ORC5: variants seen among roughly 807,000 people sequenced by gnomAD.
ORC5 encodes origin recognition complex subunit 5.
ORC5 carries 39 observed loss-of-function variants against 58.8 expected under a neutral mutation model. The ratio of observed to expected loss-of-function variants is 0.66; its 90% CI spans 0.51 to 0.87. The LOEUF is 0.87. Among genes scored for constraint, ORC5 ranks in the 40% least tolerant of loss-of-function variants. The probability of loss-of-function intolerance (pLI) is 0.00; values close to 1 mark genes in which losing one functional copy is unlikely to be tolerated. For synonymous variants in ORC5, 218 were observed against 177.6 expected, an observed-to-expected ratio of 1.23 and a Z score of -1.81; for missense variants, 493 against 506.3, an observed-to-expected ratio of 0.97 and a Z score of 0.25.
intron 10 of ORC5, chr7:104,165,663 C>T (rs1799095288): frequency 5.5e-6 from 1 of 181,474 alleles, no homozygotes; most frequent in African/African-American, 2.4e-5. Context: ...TGACGGAGGG[C>T]ATTTTAGTTA....
intron 1 of ORC5, among the ~76,000 whole-genome samples, chr7:104,205,420 A>G (rs1800054948): frequency 6.6e-6 from 1 of 152,144 alleles, no homozygotes; most frequent in Non-Finnish European, 1.5e-5. Flanking sequence ...TTAAATAATT[A>G]CAAGAAAATG....
At position 104,165,276 on chromosome 7, in the gene ORC5, C is replaced by T; in HGVS notation, c.997G>A (p.Gly333Arg). 6.5e-7 allele frequency: 1 copy of T among 1,528,064 alleles called. No individual in the cohort carries two copies. The highest frequency in any genetic ancestry group is 9.0e-7 in the Non-Finnish European group (1 of 1,116,696). The allele number at this position is 1,528,064 out of a possible 1,614,324, so 94.7% of individuals were successfully genotyped here. Residue 333 changes from glycine to arginine, a missense_variant, in exon 11 of 14, where the codon GGA becomes AGA. Gly to Arg is a moderately radical substitution (Grantham distance 125). Around this residue, in one of 3 missense-constraint regions of ORC5, gnomAD observed 412 missense variants for 403.7 expected, o/e 1.02. Transcript: ENST00000297431. ...TDKRFFLKHHGKIKKTNFLKK... is the reference protein window; with the variant it reads ...TDKRFFLKHHRKIKKTNFLKK... The stretch of plus-strand genomic sequence containing the variant: ...AGAAAGTTGGTTTTCTTGATTTTTC[C>T]ATGATGCTGCAATTAAGGAAAACAA...
chr7:104,134,097 C>T (rs118144205), intron 13 of ORC5, among the ~76,000 whole-genome samples: 4,970 of 152,094 alleles, frequency 0.033, 145 homozygotes, highest in South Asian at 0.11. Flanking sequence ...TGAACTCAGG[C>T]GTTAGAATGT....
intron 1 of ORC5, among the ~76,000 whole-genome samples, chr7:104,205,368 G>A (rs1217695727): frequency 6.6e-6 from 1 of 152,066 alleles, no homozygotes; most frequent in South Asian, 2.1e-4. Context: ...GATTACAGGT[G>A]TGAGCCACTG....
At position 104,145,872 on chromosome 7, in the gene ORC5, C is replaced by T. The variant is rs1798745671; in HGVS notation, c.1150-8979G>A. ...AGCGGCAAAAGGCTACCCAGGTAGG[C>T]TCATTCCTCCCCTGGATTAAAGAAG... On this transcript the variant is annotated intron_variant, in intron 12 of 13. Coordinates refer to ENST00000297431, the MANE Select transcript of ORC5 (RefSeq NM_002553.4). 3.9e-5 allele frequency among the ~76,000 whole-genome samples: 6 copies of T among 152,142 alleles called. 1 individual carries two copies. The highest frequency in any genetic ancestry group is 6.6e-5 in the Admixed American group (1 of 15,262).
Position 104,207,985 on chromosome 7 carries a change from G to C in ORC5, c.-81C>G. 4 of 1,364,410 alleles carry C rather than the reference G, an allele frequency of 2.9e-6. No homozygotes were observed. The East Asian group carries it at 7.0e-5, about 24-fold the overall frequency. The allele number at this position is 1,364,410 out of a possible 1,614,324, so 84.5% of individuals were successfully genotyped here. A position where few individuals can be genotyped will look rare whatever the true frequency, so the allele number is the denominator to read the frequency against. ...AGACGGAGCCTCTCCCGAGTCTGGC[G>C]GCCCACGCTCCCGCCGGAAACCGGA... On this transcript the variant is annotated 5_prime_UTR_variant, in exon 1 of 14. Coordinates refer to ENST00000297431, the MANE Select transcript of ORC5 (RefSeq NM_002553.4).
intron 6 of ORC5, among the ~76,000 whole-genome samples, chr7:104,186,722 A>G (rs1799551352): frequency 6.6e-6 from 1 of 152,192 alleles, no homozygotes; most frequent in African/African-American, 2.4e-5. Context: ...TCTGAAGAAA[A>G]AAAAGAAAAT....
At chr7:104,168,809 T>C (rs576598550) in intron 8 of ORC5, among the ~76,000 whole-genome samples, 1 of 152,260 alleles carries the variant, frequency 6.6e-6, no homozygotes, top group East Asian at 1.9e-4. Flanking sequence ...AGGCCGGGTG[T>C]GGTGGCTCAT....
chr7:104,172,800 A>G (rs1799238341), intron 8 of ORC5, among the ~76,000 whole-genome samples: 1 of 152,188 alleles, frequency 6.6e-6, no homozygotes, highest in Non-Finnish European at 1.5e-5. Context: ...TGTTCTTCTC[A>G]CACACTATGT....
At chr7:104,198,694 C>T (rs906708278) in intron 3 of ORC5, among the ~76,000 whole-genome samples, 2 of 152,158 alleles carry the variant, frequency 1.3e-5, no homozygotes, top group African/African-American at 4.8e-5. Context: ...AAGAAAAAAC[C>T]CATTTTCTGG....
Position 104,129,960 on chromosome 7 carries a change from T to G in ORC5, c.1263-3067A>C, listed in dbSNP as rs1281120984. Among the ~76,000 whole-genome samples the G allele has an allele frequency of 6.6e-6, 1 of 152,246 alleles. No individual in the cohort carries two copies. Among genetic ancestry groups the G allele is most frequent in the Non-Finnish European group, 1.5e-5 (1 of 68,042 alleles). ...AAGGATTTAATTTTGCCTTTATCCTTTTATTTCATTTTGTTGATTCATTAA... is the reference window on the plus strand; with the variant it reads ...AAGGATTTAATTTTGCCTTTATCCTGTTATTTCATTTTGTTGATTCATTAA... On this transcript the variant is annotated intron_variant, in intron 13 of 13. Transcript: ENST00000297431. This position sits in a 1 kb window ranked among gnomAD's most constrained non-coding sequence, Gnocchi z 4.9.
rs1281120984 is a variant in ORC5, at chr7:104,129,960, T to C, written c.1263-3067A>G. Among the ~76,000 whole-genome samples the C allele has an allele frequency of 6.6e-6, 1 of 152,246 alleles. No homozygotes were observed. Among genetic ancestry groups the C allele is most frequent in the African/African-American group, 2.4e-5 (1 of 41,466 alleles). ...AAGGATTTAATTTTGCCTTTATCCTTTTATTTCATTTTGTTGATTCATTAA... is the reference window on the plus strand; with the variant it reads ...AAGGATTTAATTTTGCCTTTATCCTCTTATTTCATTTTGTTGATTCATTAA... On this transcript the variant is annotated intron_variant, in intron 13 of 13. Coordinates refer to ENST00000297431, the MANE Select transcript of ORC5 (RefSeq NM_002553.4). The surrounding 1 kb of genome is among the most constrained non-coding windows in gnomAD (Gnocchi z 4.9).
chr7:104,157,163 A>G (rs929160876), intron 12 of ORC5, among the ~76,000 whole-genome samples: 10 of 151,992 alleles, frequency 6.6e-5, no homozygotes, highest in African/African-American at 2.4e-4. Context: ...AAGAAAATAT[A>G]AGGCATGTGG....
In ORC5 at chr7:104,136,808, G is replaced by A. The variant is rs748361933; in HGVS notation, c.1235C>T (p.Ser412Phe). ...LDGPKYKCTV[S>F]LDFIRAIART... ...TGCAATAGCTCTGATGAAGTCTAGA[G>A]ACACTGTGCATTTGTATTTTGGTCC... The change falls in exon 13 of 14, where the codon TCT becomes TTT. Residue 412 changes from serine (S) to phenylalanine (F), a missense_variant. Around this residue, in one of 3 missense-constraint regions of ORC5, gnomAD observed 77 missense variants for 86.1 expected, o/e 0.89. Coordinates refer to ENST00000297431, the MANE Select transcript of ORC5 (RefSeq NM_002553.4). The surrounding 1 kb of genome is among the most constrained non-coding windows in gnomAD (Gnocchi z 4.2). The A allele has an allele frequency of 6.2e-6, 10 of 1,613,082 alleles. No individual in the cohort carries two copies. The Admixed American group carries it at 1.5e-4, about 24-fold the overall frequency.
intron 12 of ORC5, among the ~76,000 whole-genome samples, chr7:104,152,094 A>C (rs1798855949): frequency 6.6e-6 from 1 of 152,170 alleles, no homozygotes; most frequent in Admixed American, 6.5e-5. Flanking sequence ...GAATCAAGAC[A>C]ATTTCTTACT....
chr7:104,199,874 T>C lies in ORC5; in HGVS notation c.366+884A>G, dbSNP rs557202106. Among the ~76,000 whole-genome samples the C allele has an allele frequency of 3.9e-5, 6 of 152,276 alleles. No homozygotes were observed. In the East Asian group the frequency reaches 1.2e-3, roughly 29 times the overall value. On this transcript the variant is annotated intron_variant, in intron 3 of 13. Transcript: ENST00000297431. Reference sequence around the variant, plus strand: ...ATCCAAATCTCATCTTAACTTGTAATCTCCATAATCTCCATGTGTCAAGGG... The same window carrying C: ...ATCCAAATCTCATCTTAACTTGTAACCTCCATAATCTCCATGTGTCAAGGG...
intron 12 of ORC5, among the ~76,000 whole-genome samples, chr7:104,146,642 T>C (rs1303740169): frequency 2.0e-5 from 3 of 152,084 alleles, no homozygotes; most frequent in South Asian, 2.1e-4. Context: ...TTAACAGGAA[T>C]TGGGGAAGGG....
intron 1 of ORC5, among the ~76,000 whole-genome samples, chr7:104,205,799 T>C (rs924459722): frequency 5.9e-5 from 9 of 152,150 alleles, no homozygotes; most frequent in African/African-American, 2.2e-4. Context: ...GGCAGATCAC[T>C]TGAGTTCAGG....
At chr7:104,190,547 C>A (rs956666928) in intron 5 of ORC5, among the ~76,000 whole-genome samples, 3 of 130,382 alleles carry the variant, frequency 2.3e-5, no homozygotes, top group East Asian at 2.1e-4. Context: ...CTTTATCCTG[C>A]TGGAAATAAT....
Sources: allele counts gnomAD v4.1 joint callset (sites outside exome capture counted in the v4.1 genomes callset), GRCh38; gene constraint gnomAD v4.1.1; regional missense constraint gnomAD v4.1.1; non-coding constraint Gnocchi (gnomAD v3.1); transcripts MANE v1.5; gene names NCBI Gene and HGNC (gene_info 2026-07-23, HGNC 2026-07-21).